EMC1: variants seen among roughly 807,000 people sequenced by gnomAD.
EMC1 encodes the protein KIAA0090.
EMC1 carries 103 observed loss-of-function variants against 128.8 expected under a neutral mutation model. The observed-to-expected ratio is 0.80, with a 90% confidence interval of 0.68 to 0.94. The LOEUF (loss-of-function observed/expected upper bound fraction) is 0.94. Ranked by LOEUF, EMC1 falls within the 40% of genes least tolerant of loss-of-function variation. The pLI is 0.00. For missense variants in EMC1, 1,083 were observed against 1,250.6 expected (o/e 0.87, Z 2.02); for synonymous variants, 442 against 490.4 (o/e 0.90, Z 1.30).
rs139792971 is a variant in EMC1, at chr1:19,228,778, G to A, written c.2065-1328C>T. On this transcript the variant is annotated intron_variant, in intron 17 of 22. Coordinates refer to ENST00000477853, the MANE Select transcript of EMC1 (RefSeq NM_015047.3). Reference sequence around the variant, plus strand: ...GAAAAAAAAATAAAATGGGCCGGGCGTGGTGGCTCACACCTGTAATCCCAG... The same window carrying A: ...GAAAAAAAAATAAAATGGGCCGGGCATGGTGGCTCACACCTGTAATCCCAG... Among the ~76,000 whole-genome samples the A allele has an allele frequency of 7.4e-3, 1,120 of 152,326 alleles. 16 individuals are homozygous for A. Among genetic ancestry groups the A allele is most frequent in the African/African-American group, 0.026 (1,060 of 41,554 alleles).
chr1:19,222,942 A>C, intron 19 of EMC1, 108 bp from the exon 20 acceptor site: 1 of 758,254 alleles, frequency 1.3e-6, no homozygotes, highest in Non-Finnish European at 2.1e-6. Context: ...ATGAAGGAGA[A>C]CCATCAACTA....
chr1:19,234,866 G>C (rs962816819), intron 13 of EMC1, among the ~76,000 whole-genome samples: 2 of 151,438 alleles, frequency 1.3e-5, no homozygotes, highest in African/African-American at 4.9e-5. Flanking sequence ...AAAAAAAAAA[G>C]ACTTTTTTCC....
In EMC1 at chr1:19,239,981, A is replaced by G; in HGVS notation, c.791T>C (p.Leu264Pro). 1 of 1,610,058 alleles carries G rather than the reference A, an allele frequency of 6.2e-7. No individual in the cohort carries two copies. The highest frequency in any genetic ancestry group is 1.1e-5 in the South Asian group (1 of 90,902). The stretch of plus-strand genomic sequence containing the variant: ...GAATCCACTTCCAAATTCTAAGTCG[A>G]GAGACTGGAAGGCAAGAAGGAGGAG... ...WELRQIPLQS[L>P]DLEFGSGFQP... The change falls in exon 8 of 23, where the codon CTC (leucine) becomes CCC (proline). Residue 264 changes from leucine (L) to proline (P), a missense_variant. Around this residue, in one of 3 missense-constraint regions of EMC1, gnomAD observed 544 missense variants for 572.4 expected, o/e 0.95. Coordinates refer to ENST00000477853, the MANE Select transcript of EMC1 (RefSeq NM_015047.3).
In EMC1 at chr1:19,240,308, T is replaced by A; in HGVS notation, c.775A>T (p.Ile259Phe). The change falls in exon 7 of 23, where the codon ATC (isoleucine) becomes TTC (phenylalanine). Residue 259 changes from isoleucine to phenylalanine, a missense_variant. Ile to Phe is a conservative substitution (Grantham distance 21). Coordinates refer to ENST00000477853, the MANE Select transcript of EMC1 (RefSeq NM_015047.3). Reference sequence around the variant, plus strand: ...TGGCAGCCTCTCACCTGCAGTGGGATCTGTCTCAACTCCCATTCCGTCTCC... The same window carrying A: ...TGGCAGCCTCTCACCTGCAGTGGGAACTGTCTCAACTCCCATTCCGTCTCC... ...ALETEWELRQ[I>F]PLQSLDLEFG... 1 of 1,614,176 alleles carries A rather than the reference T, an allele frequency of 6.2e-7. No individual in the cohort carries two copies. The highest frequency in any genetic ancestry group is 2.2e-5 in the East Asian group (1 of 44,880).
Position 19,241,080 on chromosome 1 carries a change from A to G in EMC1, c.572T>C (p.Val191Ala). 8 of 1,613,938 alleles carry G rather than the reference A, an allele frequency of 5.0e-6. No homozygotes were observed. Among genetic ancestry groups the G allele is most frequent in the Non-Finnish European group, 6.8e-6 (8 of 1,179,986 alleles). The change falls in exon 6 of 23, where the codon GTT (valine) becomes GCT (alanine). Residue 191 changes from valine to alanine, a missense_variant. By Grantham distance (64) the Val-to-Ala change is moderately conservative (BLOSUM62 0). Transcript: ENST00000477853. ...YGSGVVWALGVVPFSHVNIVK... is the reference protein window; with the variant it reads ...YGSGVVWALGAVPFSHVNIVK... ...AATGTTCACATGGCTGAAGGGAACAACTCCGAGGGCCCACACCACCCCAGA... is the reference window on the plus strand; with the variant it reads ...AATGTTCACATGGCTGAAGGGAACAGCTCCGAGGGCCCACACCACCCCAGA...
At position 19,216,489 on chromosome 1, in the gene EMC1, A is replaced by T. The variant is rs2093397595; in HGVS notation, c.*2814T>A. 6.6e-6 allele frequency: 1 copy of T among 152,202 alleles called. No individual in the cohort carries two copies. The highest frequency in any genetic ancestry group is 6.5e-5 in the Admixed American group (1 of 15,284). The allele number at this position is 152,202 out of a possible 1,614,324, so 9.4% of individuals were successfully genotyped here. A position where few individuals can be genotyped will look rare whatever the true frequency, so the allele number is the denominator to read the frequency against. ...ATACATTAGCTGAGCCTTTATAAAA[A>T]CATCTCATGTACCCCATAAGTATAT... On this transcript the variant is annotated 3_prime_UTR_variant, in exon 23 of 23. Coordinates refer to ENST00000477853, the MANE Select transcript of EMC1 (RefSeq NM_015047.3).
At chr1:19,226,090 C>T (rs903166813) in intron 18 of EMC1, among the ~76,000 whole-genome samples, 4 of 152,178 alleles carry the variant, frequency 2.6e-5, no homozygotes, top group Non-Finnish European at 4.4e-5. Context: ...CGTCAAGTTC[C>T]GTGATCTCTA....
chr1:19,220,821 G>A lies in EMC1; in HGVS notation c.2615C>T (p.Ser872Phe). The part of the protein sequence containing the change: ...LIGLPSGAIL[S>F]LPKALLDPRR... ...GGGATCCAGCAAAGCCTTAGGAAGGGAAAGAATTGCTCCAGAAGGTAGTCC... is the reference window on the plus strand; with the variant it reads ...GGGATCCAGCAAAGCCTTAGGAAGGAAAAGAATTGCTCCAGAAGGTAGTCC... Residue 872 changes from serine to phenylalanine, a missense_variant, in exon 21 of 23, where the codon TCC (serine) becomes TTC (phenylalanine). Around this residue, in one of 3 missense-constraint regions of EMC1, gnomAD observed 527 missense variants for 644.1 expected, o/e 0.82. Coordinates refer to ENST00000477853, the MANE Select transcript of EMC1 (RefSeq NM_015047.3). The A allele has an allele frequency of 6.2e-7, 1 of 1,613,828 alleles. No homozygotes were observed. The highest frequency in any genetic ancestry group is 1.1e-5 in the South Asian group (1 of 91,046).
chr1:19,218,925 C>A lies in EMC1; in HGVS notation c.*378G>T, dbSNP rs183005944. On this transcript the variant is annotated 3_prime_UTR_variant, in exon 23 of 23. Coordinates refer to ENST00000477853, the MANE Select transcript of EMC1 (RefSeq NM_015047.3). ...AAGATTTCTAGATAAAATTGAGAAACACAAAAGGCAAAGTAAAGTCAATTT... is the reference window on the plus strand; with the variant it reads ...AAGATTTCTAGATAAAATTGAGAAAAACAAAAGGCAAAGTAAAGTCAATTT... 4 of 170,464 alleles carry A rather than the reference C, an allele frequency of 2.3e-5. No homozygotes were observed. Among genetic ancestry groups the A allele is most frequent in the Admixed American group, 1.1e-4 (2 of 17,696 alleles). 10.6% of individuals were successfully genotyped at this position (170,464 alleles called of 1,614,324 possible). A position where few individuals can be genotyped will look rare whatever the true frequency, so the allele number is the denominator to read the frequency against.
At chr1:19,223,269 C>A in intron 19 of EMC1, 127 bp downstream of exon 19, 2 of 858,958 alleles carry the variant, frequency 2.3e-6, no homozygotes, top group Non-Finnish European at 3.7e-6. Flanking sequence ...CTAACCGGCA[C>A]GCTTTGCTGC....
At chr1:19,248,723 C>T (rs2093643143) in intron 1 of EMC1, among the ~76,000 whole-genome samples, 2 of 151,982 alleles carry the variant, frequency 1.3e-5, no homozygotes, top group South Asian at 2.1e-4. Context: ...CAGCCCCAAG[C>T]TGGTCTTGAA....
At chr1:19,230,792 G>A in intron 17 of EMC1, 52 bp downstream of exon 17, 26 of 1,608,866 alleles carry the variant, frequency 1.6e-5, no homozygotes, top group Non-Finnish European at 2.1e-5. Context: ...AAATGGCCAG[G>A]AAACACCTGC....
chr1:19,227,184 T>C (rs2093481551), intron 18 of EMC1, 129 bp downstream of exon 18: 16 of 1,011,812 alleles, frequency 1.6e-5, no homozygotes, highest in Non-Finnish European at 2.0e-5. Flanking sequence ...CAAACAAAAA[T>C]TAAGGCTCAA....
intron 5 of EMC1, among the ~76,000 whole-genome samples, chr1:19,242,017 CAGAACTAGAACT>C (rs1319843853): frequency 6.6e-6 from 1 of 152,128 alleles, no homozygotes; most frequent in African/African-American, 2.4e-5. Flanking sequence ...AAGGCTCAGT[CAGAACTAGAACT>C]AGAACTAGAA....
chr1:19,236,751 T>G (rs1335856285), intron 12 of EMC1, among the ~76,000 whole-genome samples: 1 of 151,320 alleles, frequency 6.6e-6, no homozygotes, highest in African/African-American at 2.4e-5. Flanking sequence ...GCGGATCACT[T>G]GAGGTCAGGA....
At position 19,216,758 on chromosome 1, in the gene EMC1, A is replaced by G. The variant is rs899195364; in HGVS notation, c.*2545T>C. ...CAGGCTGGAATGCAGTAGCATGTTC[A>G]TGGCTCACTGCAGCCTCGACCTCCC... is the stretch of plus-strand genomic sequence containing the variant. On this transcript the variant is annotated 3_prime_UTR_variant, in exon 23 of 23. Transcript: ENST00000477853. 1 of 152,182 alleles carries G rather than the reference A, an allele frequency of 6.6e-6. No homozygotes were observed. The highest frequency in any genetic ancestry group is 2.4e-5 in the African/African-American group (1 of 41,414). The allele number at this position is 152,182 out of a possible 1,614,324, so 9.4% of individuals were successfully genotyped here. A position where few individuals can be genotyped will look rare whatever the true frequency, so the allele number is the denominator to read the frequency against.
chr1:19,241,938 A>G (rs944494273), intron 5 of EMC1, among the ~76,000 whole-genome samples: 3 of 152,142 alleles, frequency 2.0e-5, no homozygotes, highest in Non-Finnish European at 4.4e-5. Flanking sequence ...GGACCTCGAG[A>G]AACCATTTCA....
rs1239013898 is a variant in EMC1, at chr1:19,217,013, T to C, written c.*2290A>G. ...CCAAATCTTTTTACGTGAAACACCA[T>C]GGGGCCCCAAAATTAACCTAATTAA... On this transcript the variant is annotated 3_prime_UTR_variant, in exon 23 of 23. Transcript: ENST00000477853. 1.3e-5 allele frequency: 2 copies of C among 151,832 alleles called. No individual in the cohort carries two copies. The highest frequency in any genetic ancestry group is 1.9e-4 in the East Asian group (1 of 5,154). The allele number at this position is 151,832 out of a possible 1,614,324, so 9.4% of individuals were successfully genotyped here.
chr1:19,238,186 C>T (rs765600983), intron 10 of EMC1, 47 bp from the exon 11 acceptor site: 1 of 1,598,374 alleles, frequency 6.3e-7, no homozygotes, highest in South Asian at 1.1e-5. Context: ...CCCCCGAAAG[C>T]AAAGCCCACC....
Sources: gnomAD v4.1 joint callset for allele counts (sites outside exome capture counted in the v4.1 genomes callset) on GRCh38, gnomAD v4.1.1 for gene constraint, gnomAD v4.1.1 regional missense constraint, MANE v1.5 for transcripts, NCBI Gene and HGNC (gene_info 2026-07-23, HGNC 2026-07-21) for gene names.